Variants in VWC2L observed in about 807,000 individuals in gnomAD.
The protein encoded by VWC2L is von Willebrand factor C domain containing 2 like, also known as von Willebrand factor C domain-containing protein 2-like.
In VWC2L, 10 loss-of-function variants were observed where a neutral mutation model predicts 21.6. The observed-to-expected ratio is 0.46, with a 90% confidence interval of 0.29 to 0.78. The LOEUF is 0.78. VWC2L is among the 30% of genes least tolerant of loss of function. VWC2L has a pLI of 0.10. For synonymous variants in VWC2L, 96 were observed against 94.3 expected, an observed-to-expected ratio of 1.02 and a Z score of -0.10; for missense variants, 209 against 277.1, an observed-to-expected ratio of 0.75 and a Z score of 1.74.
intron 3 of VWC2L, among the ~76,000 whole-genome samples, chr2:214,521,429 T>A (rs1689239526): frequency 6.6e-6 from 1 of 152,182 alleles, no homozygotes. Context: ...AAACTCTAGC[T>A]TAACTAATTC....
intron 3 of VWC2L, among the ~76,000 whole-genome samples, chr2:214,543,235 C>G (rs1212660967): frequency 6.6e-6 from 1 of 152,172 alleles, no homozygotes; most frequent in African/African-American, 2.4e-5. Flanking sequence ...AACACATGTT[C>G]AAACGTAACT....
intron 3 of VWC2L, among the ~76,000 whole-genome samples, chr2:214,482,434 C>T (rs11676847): frequency 0.029 from 4,349 of 151,734 alleles, 77 homozygotes; most frequent in Non-Finnish European, 0.04. Context: ...TTCTGTCTCT[C>T]CAAACTGGTA....
At chr2:214,560,141 A>G (rs2105928941) in intron 3 of VWC2L, among the ~76,000 whole-genome samples, 1 of 152,302 alleles carries the variant, frequency 6.6e-6, no homozygotes, top group Admixed American at 6.5e-5. Context: ...AGCTATCTAC[A>G]GCCAGTTAGT....
intron 3 of VWC2L, among the ~76,000 whole-genome samples, chr2:214,565,034 C>T (rs1690040938): frequency 6.6e-6 from 1 of 151,970 alleles, no homozygotes; most frequent in African/African-American, 2.4e-5. Context: ...CCTATTATAC[C>T]CACTTATCTG....
chr2:214,443,680 G>C (rs1205436118), intron 3 of VWC2L, among the ~76,000 whole-genome samples: 1 of 152,122 alleles, frequency 6.6e-6, no homozygotes, highest in Non-Finnish European at 1.5e-5. Context: ...ATTTTTACAT[G>C]ATAAAAATAT....
chr2:214,448,265 G>T (rs1196493103), intron 3 of VWC2L, among the ~76,000 whole-genome samples: 1 of 152,168 alleles, frequency 6.6e-6, no homozygotes, highest in Non-Finnish European at 1.5e-5. Context: ...ATATATGTTT[G>T]TGAATAAATG....
At chr2:214,422,566 T>C (rs1309129318) in intron 2 of VWC2L, among the ~76,000 whole-genome samples, 1 of 152,186 alleles carries the variant, frequency 6.6e-6, no homozygotes, top group Non-Finnish European at 1.5e-5. Flanking sequence ...AGAGTTGAAG[T>C]GATCAATGTC....
At chr2:214,441,961 G>C (rs957048343) in intron 3 of VWC2L, among the ~76,000 whole-genome samples, 2 of 150,410 alleles carry the variant, frequency 1.3e-5, no homozygotes, top group African/African-American at 2.4e-5. Flanking sequence ...ACTCAGGCTG[G>C]AGTGCAGTGG....
chr2:214,554,577 C>T (rs1262428577), intron 3 of VWC2L, among the ~76,000 whole-genome samples: 3 of 152,048 alleles, frequency 2.0e-5, no homozygotes, highest in Non-Finnish European at 4.4e-5. Context: ...GCAGGAGAAT[C>T]GCTTGAACCC....
intron 3 of VWC2L, among the ~76,000 whole-genome samples, chr2:214,528,347 A>G (rs1689376401): frequency 1.3e-5 from 2 of 152,092 alleles, no homozygotes; most frequent in Non-Finnish European, 2.9e-5. Context: ...TTGTTTGAAG[A>G]CCTCTGACTT....
chr2:214,541,742 G>A (rs1283016604), intron 3 of VWC2L, among the ~76,000 whole-genome samples: 1 of 152,108 alleles, frequency 6.6e-6, no homozygotes, highest in Non-Finnish European at 1.5e-5. Flanking sequence ...TCAGCTCTGT[G>A]CCTGACAACT....
At chr2:214,545,389 T>C (rs566092297) in intron 3 of VWC2L, among the ~76,000 whole-genome samples, 5 of 152,182 alleles carry the variant, frequency 3.3e-5, no homozygotes, top group African/African-American at 7.2e-5. Flanking sequence ...GAATTACACA[T>C]GGCTGTTGCT....
chr2:214,497,909 G>A lies in VWC2L; in HGVS notation c.520+61151G>A, dbSNP rs79462483. On this transcript the variant is annotated intron_variant, in intron 3 of 3. Coordinates refer to ENST00000312504, the MANE Select transcript of VWC2L (RefSeq NM_001080500.4). ...CTGTAGTATATGTGGATTACTTAAA[G>A]TTGTGCTAGGTGCTGTAATGAATAA... Among the ~76,000 whole-genome samples the A allele has an allele frequency of 6.7e-3, 1,028 of 152,312 alleles. 11 individuals are homozygous for A. The highest frequency in any genetic ancestry group is 0.024 in the African/African-American group (978 of 41,576).
chr2:214,478,636 T>C (rs139034694), intron 3 of VWC2L, among the ~76,000 whole-genome samples: 1,572 of 152,294 alleles, frequency 0.01, 14 homozygotes, highest in Middle Eastern at 0.024. Flanking sequence ...GCAGCTTCCA[T>C]GCGTGTCCTC....
chr2:214,530,233 A>C (rs1285165198), intron 3 of VWC2L, among the ~76,000 whole-genome samples: 1 of 152,172 alleles, frequency 6.6e-6, no homozygotes, highest in Admixed American at 6.6e-5. Context: ...TTAAAATGTT[A>C]AAGTCGTGAC....
chr2:214,513,222 C>T (rs1056228557), intron 3 of VWC2L, among the ~76,000 whole-genome samples: 2 of 152,096 alleles, frequency 1.3e-5, no homozygotes, highest in African/African-American at 4.8e-5. Context: ...AGGAATGTCT[C>T]CTCAATCATT....
rs375874146 is a variant in VWC2L, at chr2:214,488,383, A to G, written c.520+51625A>G. On this transcript the variant is annotated intron_variant, in intron 3 of 3. Coordinates refer to ENST00000312504, the MANE Select transcript of VWC2L (RefSeq NM_001080500.4). ...GAGGCCAAGGCAGGTAGATTGCTTG[A>G]GCTCAAGAGTTCAAAACCAGCCGTG... Among the ~76,000 whole-genome samples the G allele has an allele frequency of 3.3e-5, 5 of 152,332 alleles. No individual in the cohort carries two copies. The East Asian group carries it at 5.8e-4, about 18-fold the overall frequency.
chr2:214,530,724 G>C (rs1689420077), intron 3 of VWC2L, among the ~76,000 whole-genome samples: 1 of 152,094 alleles, frequency 6.6e-6, no homozygotes, highest in South Asian at 2.1e-4. Flanking sequence ...GGTGTCACAG[G>C]GACCTAGTTA....
At chr2:214,441,806 T>C (rs1034241207) in intron 3 of VWC2L, among the ~76,000 whole-genome samples, 4 of 151,974 alleles carry the variant, frequency 2.6e-5, no homozygotes, top group Non-Finnish European at 5.9e-5. Context: ...TATCATTTTG[T>C]ATGTAATATA....
Sources: gnomAD v4.1 joint callset for allele counts (sites outside exome capture counted in the v4.1 genomes callset) on GRCh38, gnomAD v4.1.1 for gene constraint, MANE v1.5 for transcripts, NCBI Gene and HGNC (gene_info 2026-07-23, HGNC 2026-07-21) for gene names.